CDH7: variants seen among roughly 807,000 people sequenced by gnomAD.
The protein encoded by CDH7 is cadherin 7, also known as cadherin-7.
In CDH7, 25 loss-of-function variants were observed where a neutral mutation model predicts 71.8. That is an observed-to-expected ratio of 0.35 (90% CI 0.25 to 0.49). The LOEUF is 0.49. Among genes scored for constraint, CDH7 ranks in the 20% least tolerant of loss-of-function variants. CDH7 has a pLI of 0.99. For synonymous variants in CDH7, 381 were observed against 363.8 expected, an observed-to-expected ratio of 1.05 and a Z score of -0.54; for missense variants, 862 against 974.6, an observed-to-expected ratio of 0.88 and a Z score of 1.54.
intron 2 of CDH7, among the ~76,000 whole-genome samples, chr18:65,797,861 C>T (rs1313981012): frequency 6.6e-6 from 1 of 152,138 alleles, no homozygotes; most frequent in African/African-American, 2.4e-5. Flanking sequence ...GAACATTTAC[C>T]TCAAACTTCC....
intron 8 of CDH7, among the ~76,000 whole-genome samples, chr18:65,858,409 T>C (rs1913441285): frequency 1.3e-5 from 2 of 152,002 alleles, no homozygotes; most frequent in Admixed American, 1.3e-4. Context: ...CATGCATATA[T>C]GTATATGATA....
At chr18:65,765,188 C>G (rs1916317402) in intron 2 of CDH7, among the ~76,000 whole-genome samples, 1 of 151,566 alleles carries the variant, frequency 6.6e-6, no homozygotes, top group South Asian at 2.1e-4. Context: ...AAAAAATTGA[C>G]TAAAATACAG....
rs545332665 is a variant in CDH7 at position 65,834,011 on chromosome 18, C to G, written c.981+9180C>G. On this transcript the variant is annotated intron_variant, in intron 6 of 11. Transcript: ENST00000397968. Reference sequence around the variant, plus strand: ...AATTTATTTTGCTGAGTACAAGTCACAGATCATGTAAAATTGTCCTTCCTT... The same window carrying G: ...AATTTATTTTGCTGAGTACAAGTCAGAGATCATGTAAAATTGTCCTTCCTT... 2.6e-5 allele frequency among the ~76,000 whole-genome samples: 4 copies of G among 152,270 alleles called. No individual in the cohort carries two copies. In the East Asian group the frequency reaches 7.7e-4, roughly 29 times the overall value.
At chr18:65,766,885 TAAA>T (rs61611288) in intron 2 of CDH7, among the ~76,000 whole-genome samples, 4 of 88,610 alleles carry the variant, frequency 4.5e-5, no homozygotes, top group African/African-American at 6.3e-5. Flanking sequence ...CTGTCTGACG[TAAA>T]AAAAAAAAAA....
intron 2 of CDH7, among the ~76,000 whole-genome samples, chr18:65,763,332 T>C (rs13381015): frequency 0.017 from 2,535 of 152,224 alleles, 60 homozygotes; most frequent in African/African-American, 0.058. Context: ...ACTCTGGTTG[T>C]AACACATTGA....
At chr18:65,772,196 A>C (rs1916564107) in intron 2 of CDH7, among the ~76,000 whole-genome samples, 2 of 152,232 alleles carry the variant, frequency 1.3e-5, no homozygotes, top group Admixed American at 6.6e-5. Flanking sequence ...CAGTGAAATT[A>C]GTCAAACCAT....
At chr18:65,791,023 AG>A (rs1910694369) in intron 2 of CDH7, among the ~76,000 whole-genome samples, 1 of 152,238 alleles carries the variant, frequency 6.6e-6, no homozygotes, top group African/African-American at 2.4e-5. Context: ...ACTTACAAAA[AG>A]GGCTTTCAAA....
intron 6 of CDH7, among the ~76,000 whole-genome samples, chr18:65,839,916 C>G (rs536237814): frequency 6.6e-6 from 1 of 152,154 alleles, no homozygotes; most frequent in African/African-American, 2.4e-5. Context: ...TAGCCTGGCC[C>G]TTGAGGTAAA....
intron 2 of CDH7, among the ~76,000 whole-genome samples, chr18:65,804,836 C>A (rs980928987): frequency 2.0e-5 from 3 of 152,036 alleles, no homozygotes; most frequent in African/African-American, 7.2e-5. Context: ...GGAACATAAA[C>A]ATGTAAGTGT....
chr18:65,832,975 C>G (rs755584050), intron 6 of CDH7, among the ~76,000 whole-genome samples: 3 of 152,080 alleles, frequency 2.0e-5, no homozygotes, highest in Admixed American at 2.0e-4. Context: ...TGAAAGATAA[C>G]TATGCATCCG....
At chr18:65,849,398 T>C (rs1362850877) in intron 7 of CDH7, among the ~76,000 whole-genome samples, 55 of 136,686 alleles carry the variant, frequency 4.0e-4, no homozygotes, top group African/African-American at 1.3e-3. Flanking sequence ...TCTTTTCTTT[T>C]CTTTTCTTTT....
intron 7 of CDH7, 40 bp downstream of exon 7, chr18:65,844,105 CA>C (rs1210401541): frequency 1.3e-6 from 2 of 1,579,906 alleles, no homozygotes; most frequent in African/African-American, 2.8e-5. Context: ...GTTTTACAAA[CA>C]ATGCATTCTT....
At chr18:65,767,342 G>A (rs909350177) in intron 2 of CDH7, among the ~76,000 whole-genome samples, 25 of 152,004 alleles carry the variant, frequency 1.6e-4, no homozygotes, top group Non-Finnish European at 3.7e-4. Flanking sequence ...AAAAAAGGAA[G>A]TTTCATATTG....
chr18:65,857,648 T>C (rs1476622369), intron 7 of CDH7, among the ~76,000 whole-genome samples, 168 bp from the exon 8 acceptor site: 1 of 152,160 alleles, frequency 6.6e-6, no homozygotes, highest in African/African-American at 2.4e-5. Flanking sequence ...ATAAACCATC[T>C]AATATGTGGG....
At chr18:65,817,871 C>G (rs1340545179) in intron 4 of CDH7, among the ~76,000 whole-genome samples, 1 of 152,116 alleles carries the variant, frequency 6.6e-6, no homozygotes, top group African/African-American at 2.4e-5. Context: ...AGAAAGCAAG[C>G]CTGAAACATT....
chr18:65,877,673 T>G (rs1167325574), intron 11 of CDH7, among the ~76,000 whole-genome samples: 1 of 152,124 alleles, frequency 6.6e-6, no homozygotes, highest in Non-Finnish European at 1.5e-5. Context: ...CCCATCACTA[T>G]TTTCTCTCAA....
chr18:65,806,835 G>A, intron 2 of CDH7, among the ~76,000 whole-genome samples: 1 of 152,248 alleles, frequency 6.6e-6, no homozygotes, highest in East Asian at 1.9e-4. Flanking sequence ...CCACCTGTTA[G>A]GATTAGTATA....
chr18:65,802,933 C>T lies in CDH7; in HGVS notation c.211-6771C>T, dbSNP rs527703639. The stretch of plus-strand genomic sequence containing the variant: ...AAGTAACCATGTCATAGGCACAGAT[C>T]CTTGGAACCTTTTGGTTCCAAGGCA... On this transcript the variant is annotated intron_variant, in intron 2 of 11. Coordinates refer to ENST00000397968, the MANE Select transcript of CDH7 (RefSeq NM_004361.5). 3.3e-3 allele frequency among the ~76,000 whole-genome samples: 502 copies of T among 152,236 alleles called. 3 individuals are homozygous for T. The highest frequency in any genetic ancestry group is 5.5e-3 in the Non-Finnish European group (371 of 67,996).
intron 2 of CDH7, among the ~76,000 whole-genome samples, chr18:65,804,130 C>T (rs1167982222): frequency 3.3e-5 from 5 of 151,992 alleles, no homozygotes; most frequent in African/African-American, 1.2e-4. Context: ...TAAAATTTCA[C>T]CTTATGTTTA....
Sources: gnomAD v4.1 joint callset for allele counts (sites outside exome capture counted in the v4.1 genomes callset) on GRCh38, gnomAD v4.1.1 for gene constraint, MANE v1.5 for transcripts, NCBI Gene and HGNC (gene_info 2026-07-23, HGNC 2026-07-21) for gene names.